GKAP1: variants seen among roughly 807,000 people sequenced by gnomAD.
The protein encoded by GKAP1 is G kinase anchoring protein 1.
Under a neutral mutation model 56.7 loss-of-function variants are expected in GKAP1, and 31 were observed. The observed-to-expected ratio is 0.55, with a 90% CI of 0.41 to 0.74. The LOEUF is 0.74. GKAP1 is among the 30% of genes least tolerant of loss of function. The pLI is 0.00. For synonymous variants in GKAP1, 151 were observed against 138.6 expected, an observed-to-expected ratio of 1.09 and a Z score of -0.63; for missense variants, 364 against 402.3, an observed-to-expected ratio of 0.90 and a Z score of 0.82.
chr9:83,800,344 T>G (rs1408503096), intron 3 of GKAP1, among the ~76,000 whole-genome samples: 44 of 114,646 alleles, frequency 3.8e-4, no homozygotes, highest in East Asian at 2.0e-3. Context: ...TTTTTTTTGT[T>G]TTTTTTTTTT....
chr9:83,810,584 T>G (rs966635258), intron 2 of GKAP1, among the ~76,000 whole-genome samples: 10 of 152,222 alleles, frequency 6.6e-5, no homozygotes, highest in Non-Finnish European at 1.2e-4. Context: ...CCTCTGGTTC[T>G]TTATGTCAGT....
intron 10 of GKAP1, 56 bp from the exon 11 acceptor site, chr9:83,742,656 C>G: frequency 9.1e-7 from 1 of 1,100,172 alleles, no homozygotes; most frequent in African/African-American, 1.5e-5. Context: ...AATACTTCAA[C>G]AATACTTCAG....
At chr9:83,741,911 AT>A in intron 12 of GKAP1, 40 bp downstream of exon 12, 2 of 1,236,156 alleles carry the variant, frequency 1.6e-6, no homozygotes, top group Non-Finnish European at 1.2e-6. Context: ...CTCCAAATGT[AT>A]TATTTGTGAT....
At chr9:83,806,172 T>G (rs929289035) in intron 3 of GKAP1, 130 bp downstream of exon 3, 2 of 627,148 alleles carry the variant, frequency 3.2e-6, no homozygotes, top group Non-Finnish European at 5.5e-6. Flanking sequence ...TTCACATCCA[T>G]TCATTGAAGT....
At chr9:83,749,605 C>T (rs535074809) in intron 9 of GKAP1, among the ~76,000 whole-genome samples, 19 of 152,220 alleles carry the variant, frequency 1.2e-4, no homozygotes, top group Middle Eastern at 3.4e-3. Flanking sequence ...AAAAACAAAA[C>T]CCTAAAGAAA....
At chr9:83,767,501 G>A (rs912779600) in intron 8 of GKAP1, among the ~76,000 whole-genome samples, 2 of 151,322 alleles carry the variant, frequency 1.3e-5, no homozygotes, top group African/African-American at 4.9e-5. Flanking sequence ...TGGGACTACA[G>A]GCGCCCTCCA....
At chr9:83,764,879 T>C (rs1278927489) in intron 8 of GKAP1, among the ~76,000 whole-genome samples, 1 of 152,132 alleles carries the variant, frequency 6.6e-6, no homozygotes, top group Non-Finnish European at 1.5e-5. Flanking sequence ...TGACAGAGCA[T>C]AAAAGTTCAG....
intron 2 of GKAP1, among the ~76,000 whole-genome samples, chr9:83,809,576 G>T (rs1299155223): frequency 6.6e-6 from 1 of 152,210 alleles, no homozygotes; most frequent in Non-Finnish European, 1.5e-5. Context: ...AGTCAAGAAT[G>T]GGGGAGCCCA....
intron 2 of GKAP1, among the ~76,000 whole-genome samples, chr9:83,809,183 C>T (rs550149138): frequency 5.3e-5 from 8 of 152,200 alleles, no homozygotes; most frequent in Non-Finnish European, 1.0e-4. Flanking sequence ...TCATAAATGT[C>T]TATTCTGAAA....
At chr9:83,800,299 A>C (rs2131313164) in intron 3 of GKAP1, among the ~76,000 whole-genome samples, 1 of 152,088 alleles carries the variant, frequency 6.6e-6, no homozygotes, top group East Asian at 1.9e-4. Context: ...GTTTAAAAAA[A>C]AAAAAAGTTT....
rs544259467 is a variant in GKAP1, at chr9:83,743,175, T to C, written c.905-575A>G. 2.6e-5 allele frequency among the ~76,000 whole-genome samples: 4 copies of C among 151,408 alleles called. No individual in the cohort carries two copies. In the East Asian group the frequency reaches 6.0e-4, roughly 23 times the overall value. On this transcript the variant is annotated intron_variant, in intron 10 of 12. Coordinates refer to ENST00000376371, the MANE Select transcript of GKAP1 (RefSeq NM_025211.4). ...GAGACTCTGTCAATAAAAAAATACA[T>C]ATTTTTTAATTGCACAAATATGGTG...
At chr9:83,753,454 G>A (rs1943426960) in intron 8 of GKAP1, 95 bp from the exon 9 acceptor site, 1 of 819,814 alleles carries the variant, frequency 1.2e-6, no homozygotes, top group African/African-American at 1.7e-5. Flanking sequence ...GAAAAATTCT[G>A]ACCTTAATTT....
At chr9:83,764,825 G>C (rs564709731) in intron 8 of GKAP1, among the ~76,000 whole-genome samples, 3 of 152,178 alleles carry the variant, frequency 2.0e-5, no homozygotes, top group Non-Finnish European at 4.4e-5. Flanking sequence ...GTGACTTAGC[G>C]TATCTGGTGA....
intron 7 of GKAP1, among the ~76,000 whole-genome samples, chr9:83,776,267 T>G (rs1247215668): frequency 6.6e-6 from 1 of 152,156 alleles, no homozygotes; most frequent in Non-Finnish European, 1.5e-5. Flanking sequence ...GTAACAAGAA[T>G]GAGCTCAACA....
intron 10 of GKAP1, among the ~76,000 whole-genome samples, chr9:83,743,018 C>T (rs1194752458): frequency 6.6e-6 from 1 of 151,808 alleles, no homozygotes; most frequent in Non-Finnish European, 1.5e-5. Flanking sequence ...CAAAAATTAT[C>T]CAGGTGTGGT....
chr9:83,759,299 T>C (rs1047725864), intron 8 of GKAP1, among the ~76,000 whole-genome samples: 2 of 152,146 alleles, frequency 1.3e-5, no homozygotes, highest in African/African-American at 2.4e-5. Context: ...CTTGCTTCAA[T>C]GCCCAGGCTG....
intron 7 of GKAP1, among the ~76,000 whole-genome samples, 164 bp from the exon 8 acceptor site, chr9:83,769,134 G>A (rs994807451): frequency 4.6e-5 from 7 of 152,192 alleles, no homozygotes; most frequent in African/African-American, 1.4e-4. Flanking sequence ...TCAACGACTT[G>A]ATCCTTCTCC....
At chr9:83,805,564 G>A (rs1037711685) in intron 3 of GKAP1, among the ~76,000 whole-genome samples, 2 of 151,900 alleles carry the variant, frequency 1.3e-5, no homozygotes, top group Non-Finnish European at 2.9e-5. Context: ...ATGGAAAACT[G>A]CTCATGGTTA....
intron 3 of GKAP1, among the ~76,000 whole-genome samples, chr9:83,801,233 C>T (rs1587735938): frequency 1.3e-5 from 2 of 152,214 alleles, no homozygotes; most frequent in East Asian, 1.9e-4. Flanking sequence ...CAAAGGAATG[C>T]CATGGATTGA....
Sources: allele counts gnomAD v4.1 joint callset (sites outside exome capture counted in the v4.1 genomes callset), GRCh38; gene constraint gnomAD v4.1.1; transcripts MANE v1.5; gene names NCBI Gene and HGNC (gene_info 2026-07-23, HGNC 2026-07-21).